The following FGF2 variants were observed in gnomAD, a reference collection of about 807,000 sequenced individuals.
FGF2 encodes the protein basic fibroblast growth factor bFGF.
FGF2 carries 13 observed loss-of-function variants against 15.9 expected under a neutral mutation model. That is an observed-to-expected ratio of 0.82 (90% CI 0.53 to 1.30). FGF2 has a LOEUF of 1.30. Ranked by LOEUF, FGF2 falls within the 50% of genes most tolerant of loss-of-function variation. The pLI, the probability that FGF2 is intolerant of heterozygous loss-of-function variation, is 0.00. For missense variants in FGF2, 163 were observed against 196.9 expected, an observed-to-expected ratio of 0.83 and a Z score of 1.03; for synonymous variants, 90 against 78.4, an observed-to-expected ratio of 1.15 and a Z score of -0.78.
chr4:122,848,773 TTAGAAGCAGGAG>T (rs527841457), intron 1 of FGF2, among the ~76,000 whole-genome samples: 41 of 152,216 alleles, frequency 2.7e-4, no homozygotes, highest in East Asian at 7.7e-4. Context: ...CTGCCATTGA[TTAGAAGCAGGAG>T]TATCATCGTC....
At chr4:122,847,648 T>C (rs1256036733) in intron 1 of FGF2, among the ~76,000 whole-genome samples, 9 of 142,392 alleles carry the variant, frequency 6.3e-5, no homozygotes, top group African/African-American at 2.8e-4. Flanking sequence ...TATCTGTCTA[T>C]CTAATCTATC....
chr4:122,867,178 G>A (rs1726612813), intron 1 of FGF2, among the ~76,000 whole-genome samples: 1 of 152,214 alleles, frequency 6.6e-6, no homozygotes, highest in African/African-American at 2.4e-5. Flanking sequence ...GCTAAAGAAT[G>A]TAGGGTGACG....
Position 122,894,802 on chromosome 4 carries a change from G to A in FGF2, c.*2406G>A, listed in dbSNP as rs953618789. On this transcript the variant is annotated 3_prime_UTR_variant, in exon 3 of 3. Coordinates refer to ENST00000644866, the MANE Select transcript of FGF2 (RefSeq NM_001361665.2). ...ATTAAATTTATTATTAAAGATAGTAGCACTAGTCTTAAATTTGATATAACA... is the reference window on the plus strand; with the variant it reads ...ATTAAATTTATTATTAAAGATAGTAACACTAGTCTTAAATTTGATATAACA... 18 of 152,042 alleles carry A rather than the reference G, an allele frequency of 1.2e-4. No homozygotes were observed. Among genetic ancestry groups the A allele is most frequent in the Admixed American group, 8.5e-4 (13 of 15,260 alleles). The allele number at this position is 152,042 out of a possible 1,614,324, so 9.4% of individuals were successfully genotyped here. A position where few individuals can be genotyped will look rare whatever the true frequency, so the allele number is the denominator to read the frequency against.
chr4:122,870,771 A>C (rs1333476765), intron 1 of FGF2, among the ~76,000 whole-genome samples: 2 of 152,088 alleles, frequency 1.3e-5, no homozygotes, highest in African/African-American at 4.8e-5. Context: ...TCAAAAAAAC[A>C]GCTCCTAGAT....
chr4:122,839,103 T>C (rs1279982836), intron 1 of FGF2, among the ~76,000 whole-genome samples: 3 of 152,186 alleles, frequency 2.0e-5, no homozygotes, highest in Admixed American at 2.0e-4. Flanking sequence ...CACTCTATGA[T>C]GTTCACACAA....
chr4:122,826,842 G>A lies in FGF2; in HGVS notation c.-333G>A, dbSNP rs761725675. The A allele has an allele frequency of 6.7e-7, 1 of 1,490,372 alleles. No homozygotes were observed. Among genetic ancestry groups the A allele is most frequent in the East Asian group, 2.8e-5 (1 of 35,854 alleles). The allele number at this position is 1,490,372 out of a possible 1,614,324, so 92.3% of individuals were successfully genotyped here. A position where few individuals can be genotyped will look rare whatever the true frequency, so the allele number is the denominator to read the frequency against. On this transcript the variant is annotated 5_prime_UTR_variant, in exon 1 of 3. Coordinates refer to ENST00000644866, the MANE Select transcript of FGF2 (RefSeq NM_001361665.2). The stretch of plus-strand genomic sequence containing the variant: ...GCGGCCCGGCGGGTGCCAGATTAGC[G>A]GACGCGGTGCCCGCGGTTGCAACGG...
At chr4:122,828,037 C>T (rs1440577420) in intron 1 of FGF2, among the ~76,000 whole-genome samples, 1 of 152,248 alleles carries the variant, frequency 6.6e-6, no homozygotes, top group Non-Finnish European at 1.5e-5. Flanking sequence ...TGAGCCGACG[C>T]TTAACCCCAG....
intron 1 of FGF2, among the ~76,000 whole-genome samples, chr4:122,858,377 G>C (rs1024372073): frequency 6.6e-6 from 1 of 151,610 alleles, no homozygotes; most frequent in Non-Finnish European, 1.5e-5. Flanking sequence ...CAGCAAATGA[G>C]TTCCTTTTTT....
intron 1 of FGF2, among the ~76,000 whole-genome samples, chr4:122,828,725 G>C (rs966718201): frequency 6.6e-6 from 1 of 152,148 alleles, no homozygotes; most frequent in Non-Finnish European, 1.5e-5. Context: ...TTTTTTTCAG[G>C]CTTGCCATAA....
intron 1 of FGF2, among the ~76,000 whole-genome samples, chr4:122,875,250 A>AT (rs527320677): frequency 1.7e-4 from 26 of 151,354 alleles, no homozygotes; most frequent in East Asian, 9.7e-4. Flanking sequence ...TAATTAAGTA[A>AT]TTTTTTTTTG....
In FGF2 at chr4:122,866,228, C is replaced by T. The variant is rs180972155; in HGVS notation, c.179-10093C>T. Among the ~76,000 whole-genome samples, 236 of 152,154 alleles carry T rather than the reference C, an allele frequency of 1.6e-3. 2 individuals carry two copies. Among genetic ancestry groups the T allele is most frequent in the Non-Finnish European group, 2.2e-3 (152 of 67,988 alleles). On this transcript the variant is annotated intron_variant, in intron 1 of 2. Coordinates refer to ENST00000644866, the MANE Select transcript of FGF2 (RefSeq NM_001361665.2). ...CTAAAAATACAAAAAATTAGCCGGGCGTGGTGGCGGGCGCCTGTAGTCCCA... is the reference window on the plus strand; with the variant it reads ...CTAAAAATACAAAAAATTAGCCGGGTGTGGTGGCGGGCGCCTGTAGTCCCA...
At chr4:122,832,896 C>T (rs1156855469) in intron 1 of FGF2, among the ~76,000 whole-genome samples, 1 of 152,114 alleles carries the variant, frequency 6.6e-6, no homozygotes, top group Non-Finnish European at 1.5e-5. Context: ...TTATGTATAG[C>T]CACAGGAATT....
Position 122,893,023 on chromosome 4 carries a change from A to C in FGF2, c.*627A>C, listed in dbSNP as rs1727233392. On this transcript the variant is annotated 3_prime_UTR_variant, in exon 3 of 3. Coordinates refer to ENST00000644866, the MANE Select transcript of FGF2 (RefSeq NM_001361665.2). ...TTGTATTTTCAGTCTTCGCCAGGTC[A>C]TTGAGATCCATCCACTCACATCTTA... The C allele has an allele frequency of 1.2e-6, 2 of 1,614,158 alleles. No homozygotes were observed. Among genetic ancestry groups the C allele is most frequent in the Admixed American group, 1.7e-5 (1 of 60,012 alleles).
intron 1 of FGF2, among the ~76,000 whole-genome samples, chr4:122,849,530 C>T (rs113226185): frequency 0.022 from 3,414 of 152,048 alleles, 128 homozygotes; most frequent in African/African-American, 0.076. Context: ...CAGCAAACCA[C>T]CATGGCACGT....
chr4:122,842,658 C>T (rs1430250921), intron 1 of FGF2, among the ~76,000 whole-genome samples: 1 of 152,118 alleles, frequency 6.6e-6, no homozygotes, highest in Non-Finnish European at 1.5e-5. Context: ...GGAGAAACTT[C>T]TCTGTGGTAA....
intron 2 of FGF2, chr4:122,884,446 G>A (rs187177972): frequency 6.6e-6 from 1 of 152,176 alleles, no homozygotes; most frequent in Non-Finnish European, 1.5e-5. Flanking sequence ...AGTGAATCAA[G>A]ATCACGCCAC....
chr4:122,873,572 T>C (rs1036117913), intron 1 of FGF2, among the ~76,000 whole-genome samples: 4 of 152,218 alleles, frequency 2.6e-5, no homozygotes, highest in Admixed American at 6.5e-5. Flanking sequence ...TATTCCTCCT[T>C]CTATCAGAGA....
intron 1 of FGF2, among the ~76,000 whole-genome samples, chr4:122,870,272 A>G (rs1726702927): frequency 6.6e-6 from 1 of 151,158 alleles, no homozygotes; most frequent in Non-Finnish European, 1.5e-5. Flanking sequence ...AGTGTTCATC[A>G]GGGATGTTGG....
chr4:122,851,819 G>A (rs1349568873), intron 1 of FGF2, among the ~76,000 whole-genome samples: 1 of 152,138 alleles, frequency 6.6e-6, no homozygotes, highest in Non-Finnish European at 1.5e-5. Flanking sequence ...ATATGTGCAG[G>A]TAACAGGTAG....
Sources: allele counts gnomAD v4.1 joint callset (sites outside exome capture counted in the v4.1 genomes callset), GRCh38; gene constraint gnomAD v4.1.1; transcripts MANE v1.5; gene names NCBI Gene and HGNC (gene_info 2026-07-23, HGNC 2026-07-21).